CORO1C: variants seen among roughly 807,000 people sequenced by gnomAD.
The protein encoded by CORO1C is coronin-1C.
In CORO1C, 14 loss-of-function variants were observed where a neutral mutation model predicts 51.2. That is an observed-to-expected ratio of 0.27 (90% CI 0.18 to 0.43). The LOEUF (loss-of-function observed/expected upper bound fraction) is 0.43, where lower values mean the gene tolerates loss of function less well. CORO1C is among the 20% of genes least tolerant of loss of function. The probability of loss-of-function intolerance (pLI) is 1.00; values close to 1 mark genes in which losing one functional copy is unlikely to be tolerated. For synonymous variants in CORO1C, 181 were observed against 210.5 expected (o/e 0.86, Z 1.21); for missense variants, 417 against 607.8 (o/e 0.69, Z 3.30).
chr12:108,656,069 G>A (rs1456059439), intron 6 of CORO1C, among the ~76,000 whole-genome samples: 1 of 149,682 alleles, frequency 6.7e-6, no homozygotes, highest in African/African-American at 2.5e-5. Context: ...CTGCCTGGCC[G>A]ACCCGTCTGA....
At chr12:108,660,177 C>T (rs527799911) in intron 4 of CORO1C, among the ~76,000 whole-genome samples, 1 of 152,268 alleles carries the variant, frequency 6.6e-6, no homozygotes, top group Non-Finnish European at 1.5e-5. Context: ...ACTGGCCGGG[C>T]ACGGTGGCTC....
intron 1 of CORO1C, among the ~76,000 whole-genome samples, chr12:108,725,369 C>A (rs1350957745): frequency 6.6e-6 from 1 of 152,224 alleles, no homozygotes; most frequent in Non-Finnish European, 1.5e-5. Flanking sequence ...AGAGAGGGAA[C>A]AGGAATGTAT....
At chr12:108,683,627 T>C (rs1390115205) in intron 2 of CORO1C, among the ~76,000 whole-genome samples, 1 of 152,122 alleles carries the variant, frequency 6.6e-6, no homozygotes, top group Non-Finnish European at 1.5e-5. Context: ...TTGAATAATC[T>C]AGATGAAATA....
intron 2 of CORO1C, among the ~76,000 whole-genome samples, chr12:108,697,003 T>C (rs1013348577): frequency 6.6e-6 from 1 of 152,248 alleles, no homozygotes; most frequent in Admixed American, 6.5e-5. Flanking sequence ...TCTTTGTATA[T>C]GCATGTGCTT....
Position 108,647,212 on chromosome 12 carries a change from T to C in CORO1C, c.*191A>G. 2.1e-6 allele frequency: 1 copy of C among 477,042 alleles called. No individual in the cohort carries two copies. Among genetic ancestry groups the C allele is most frequent in the Non-Finnish European group, 3.7e-6 (1 of 270,180 alleles). The allele number at this position is 477,042 out of a possible 1,614,324, so 29.6% of individuals were successfully genotyped here. On this transcript the variant is annotated 3_prime_UTR_variant, in exon 11 of 11. Transcript: ENST00000261401. ...AAAGCTCAGCTTTTAAATCACGTTTTGTTTCTGCAAATTTGGGAGACAAAT... is the reference window on the plus strand; with the variant it reads ...AAAGCTCAGCTTTTAAATCACGTTTCGTTTCTGCAAATTTGGGAGACAAAT...
At chr12:108,711,244 C>T (rs2136876315) in intron 1 of CORO1C, among the ~76,000 whole-genome samples, 1 of 151,936 alleles carries the variant, frequency 6.6e-6, no homozygotes, top group Non-Finnish European at 1.5e-5. Context: ...GTAGTATACC[C>T]CTGCGGTCCC....
At chr12:108,683,029 T>C (rs1426317798) in intron 2 of CORO1C, among the ~76,000 whole-genome samples, 2 of 152,210 alleles carry the variant, frequency 1.3e-5, no homozygotes, top group Admixed American at 1.3e-4. Flanking sequence ...ATGGACAGTC[T>C]TAAATGCATA....
chr12:108,664,162 A>G (rs1295389072), intron 3 of CORO1C, among the ~76,000 whole-genome samples: 1 of 152,248 alleles, frequency 6.6e-6, no homozygotes, highest in Non-Finnish European at 1.5e-5. Flanking sequence ...GAAGATTAAA[A>G]CAAGTAAATT....
At chr12:108,676,366 T>A in intron 3 of CORO1C, among the ~76,000 whole-genome samples, 1 of 152,338 alleles carries the variant, frequency 6.6e-6, no homozygotes, top group Non-Finnish European at 1.5e-5. Flanking sequence ...TGTTTTATAA[T>A]ACACACTATT....
At chr12:108,680,458 G>A (rs1034455624) in intron 2 of CORO1C, among the ~76,000 whole-genome samples, 3 of 152,176 alleles carry the variant, frequency 2.0e-5, no homozygotes, top group African/African-American at 7.2e-5. Context: ...GGGTGTCACA[G>A]GAAGGAGCCA....
intron 6 of CORO1C, among the ~76,000 whole-genome samples, chr12:108,655,189 T>C (rs2032886151): frequency 1.3e-5 from 2 of 152,326 alleles, no homozygotes; most frequent in South Asian, 4.1e-4. Flanking sequence ...GATGATAGAA[T>C]GTATGTTGTA....
At chr12:108,720,958 A>T (rs978971458) in intron 1 of CORO1C, among the ~76,000 whole-genome samples, 4 of 152,210 alleles carry the variant, frequency 2.6e-5, no homozygotes, top group Non-Finnish European at 5.9e-5. Flanking sequence ...ACATTTATTG[A>T]ACAGCTACTA....
intron 2 of CORO1C, among the ~76,000 whole-genome samples, chr12:108,685,869 T>C (rs2034277312): frequency 6.6e-6 from 1 of 152,184 alleles, no homozygotes; most frequent in Non-Finnish European, 1.5e-5. Context: ...GTACACTGAT[T>C]ATTTGGCATG....
At chr12:108,702,513 A>C (rs1490971074) in intron 1 of CORO1C, among the ~76,000 whole-genome samples, 1 of 152,164 alleles carries the variant, frequency 6.6e-6, no homozygotes, top group Non-Finnish European at 1.5e-5. Flanking sequence ...GACTGCACCC[A>C]ATGTAATTTT....
intron 2 of CORO1C, among the ~76,000 whole-genome samples, chr12:108,679,411 C>G (rs759576042): frequency 5.9e-5 from 9 of 152,254 alleles, no homozygotes; most frequent in Non-Finnish European, 1.2e-4. Flanking sequence ...ATCTAGCAAA[C>G]CAACCAGGGT....
rs138163879 is a variant in CORO1C at position 108,687,308 on chromosome 12, G to A, written c.196-8914C>T. 2.1e-3 allele frequency among the ~76,000 whole-genome samples: 326 copies of A among 152,156 alleles called. 1 individual carries two copies. The highest frequency in any genetic ancestry group is 7.7e-3 in the African/African-American group (320 of 41,508). ...ATTCAACATAAATCTTAAGAAATCC[G>A]GCGAAACCCTGTCCCTACAAATATA... On this transcript the variant is annotated intron_variant, in intron 2 of 10. Coordinates refer to ENST00000261401, the MANE Select transcript of CORO1C (RefSeq NM_014325.4).
At position 108,652,340 on chromosome 12, in the gene CORO1C, C is replaced by T. The variant is rs745597138; in HGVS notation, c.933G>A (p.Lys311=). 1 of 1,613,962 alleles carries T rather than the reference C, an allele frequency of 6.2e-7. No homozygotes were observed. Among genetic ancestry groups the T allele is most frequent in the East Asian group, 2.2e-5 (1 of 44,890 alleles). Residue 311 remains lysine (K), a synonymous_variant, in exon 8 of 11, where the codon AAG becomes AAA. Transcript: ENST00000261401. ...YVHYLNTFSS[K]EPQRGMGYMP... is the part of the protein sequence containing the mutation. ...TGTAACCCATCCCTCTCTGAGGCTC[C>T]TTGCTGCTGAATGTGTTGAGGTAGT...
chr12:108,712,913 TAAAAAAAAA>T (rs142742201), intron 1 of CORO1C, among the ~76,000 whole-genome samples: 1 of 128,078 alleles, frequency 7.8e-6, no homozygotes, highest in African/African-American at 2.9e-5. Context: ...CATGTCTCTT[TAAAAAAAAA>T]AAAAAAAAAA....
intron 1 of CORO1C, among the ~76,000 whole-genome samples, chr12:108,715,333 A>C (rs1565937607): frequency 6.6e-6 from 1 of 152,184 alleles, no homozygotes; most frequent in Non-Finnish European, 1.5e-5. Flanking sequence ...TGAGGCCTGT[A>C]ACTCACTTAA....
Sources: gnomAD v4.1 joint callset for allele counts (sites outside exome capture counted in the v4.1 genomes callset) on GRCh38, gnomAD v4.1.1 for gene constraint, MANE v1.5 for transcripts, NCBI Gene and HGNC (gene_info 2026-07-23, HGNC 2026-07-21) for gene names.